PSD3: variants seen among roughly 807,000 people sequenced by gnomAD.
The protein encoded by PSD3 is pleckstrin and Sec7 domain containing 3.
Under a neutral mutation model 105.5 loss-of-function variants are expected in PSD3, and 49 were observed. The observed-to-expected ratio is 0.46, with a 90% confidence interval of 0.37 to 0.59. The LOEUF is 0.59. Ranked by LOEUF, PSD3 falls within the 20% of genes least tolerant of loss-of-function variation. PSD3 has a pLI of 0.00. For missense variants in PSD3, 1,561 were observed against 1,263.8 expected, an observed-to-expected ratio of 1.24 and a Z score of -3.57; for synonymous variants, 557 against 457.8, an observed-to-expected ratio of 1.22 and a Z score of -2.77.
chr8:18,683,620 G>C (rs551537281), intron 9 of PSD3, among the ~76,000 whole-genome samples: 17 of 152,066 alleles, frequency 1.1e-4, no homozygotes, highest in Non-Finnish European at 1.8e-4. Context: ...GGTCCCATCC[G>C]TTTCACCTGA....
intron 9 of PSD3, among the ~76,000 whole-genome samples, chr8:18,669,198 G>T (rs1179249439): frequency 6.6e-6 from 1 of 152,132 alleles, no homozygotes; most frequent in African/African-American, 2.4e-5. Context: ...AAGGGAAATT[G>T]TTTTTTGTAA....
At chr8:18,768,137 A>AAT (rs71217400) in intron 8 of PSD3, among the ~76,000 whole-genome samples, 1 of 143,928 alleles carries the variant, frequency 6.9e-6, no homozygotes. Context: ...AAAAAAAAAA[A>AAT]TAGCCGGATG....
chr8:18,785,046 G>T lies in PSD3; in HGVS notation c.2082+14249C>A, dbSNP rs111349663. ...TGAGCTTATCTAGGAGCTCACCAAG[G>T]CTTGCCTCATTAGAATAAACAATGC... is the stretch of plus-strand genomic sequence containing the variant. On this transcript the variant is annotated intron_variant, in intron 8 of 15. Coordinates refer to ENST00000327040, the MANE Select transcript of PSD3 (RefSeq NM_015310.4). Among the ~76,000 whole-genome samples the T allele has an allele frequency of 7.5e-3, 1,136 of 152,126 alleles. 9 individuals carry two copies. The highest frequency in any genetic ancestry group is 0.023 in the African/African-American group (965 of 41,500).
intron 9 of PSD3, among the ~76,000 whole-genome samples, chr8:18,672,185 T>C (rs1426112674): frequency 6.6e-6 from 1 of 152,124 alleles, no homozygotes. Flanking sequence ...AAAACATAAA[T>C]TTAAAGTGAC....
chr8:18,552,378 G>C (rs2717728), intron 15 of PSD3, among the ~76,000 whole-genome samples: 4 of 152,136 alleles, frequency 2.6e-5, no homozygotes, highest in Admixed American at 2.6e-4. Flanking sequence ...AATAAAAAGC[G>C]TCATCTCCTT....
intron 11 of PSD3, among the ~76,000 whole-genome samples, chr8:18,631,206 A>G (rs754754653): frequency 1.1e-4 from 16 of 151,988 alleles, no homozygotes; most frequent in Non-Finnish European, 2.2e-4. Context: ...TGGCAAAAGT[A>G]TTATTCAATG....
chr8:18,977,832 A>G (rs1388276532), intron 1 of PSD3, among the ~76,000 whole-genome samples: 1 of 152,158 alleles, frequency 6.6e-6, no homozygotes, highest in African/African-American at 2.4e-5. Context: ...TGATTTTCCT[A>G]AAATCAACAC....
chr8:18,595,907 T>C (rs1804060680), intron 12 of PSD3, among the ~76,000 whole-genome samples: 1 of 152,032 alleles, frequency 6.6e-6, no homozygotes, highest in South Asian at 2.1e-4. Flanking sequence ...CCAAATATCC[T>C]AGCAAACATA....
intron 4 of PSD3, among the ~76,000 whole-genome samples, chr8:18,821,717 A>ACACACACCCACC (rs1554513425): frequency 5.7e-5 from 8 of 141,118 alleles, no homozygotes; most frequent in Non-Finnish European, 9.1e-5. Flanking sequence ...ACACACACAC[A>ACACACACCCACC]CCCCAATAAC....
At position 18,916,051 on chromosome 8, in the gene PSD3, G is replaced by A. The variant is rs112830617; in HGVS notation, c.130+19983C>T. Among the ~76,000 whole-genome samples, 1,053 of 151,904 alleles carry A rather than the reference G, an allele frequency of 6.9e-3. 13 individuals are homozygous for A. Among genetic ancestry groups the A allele is most frequent in the African/African-American group, 0.024 (990 of 41,436 alleles). On this transcript the variant is annotated intron_variant, in intron 2 of 15. Transcript: ENST00000327040. ...GCGGAGGTTGCAGTGAGCGGAGATCGTGCCATTGCACTCCAGCCTGGGCAA... is the reference window on the plus strand; with the variant it reads ...GCGGAGGTTGCAGTGAGCGGAGATCATGCCATTGCACTCCAGCCTGGGCAA...
chr8:18,759,022 A>G (rs1042315529), intron 9 of PSD3, among the ~76,000 whole-genome samples: 1 of 151,548 alleles, frequency 6.6e-6, no homozygotes. Context: ...AGTGAAGCTT[A>G]TAAATCCTGC....
intron 2 of PSD3, among the ~76,000 whole-genome samples, chr8:18,908,547 A>G (rs1234032452): frequency 2.6e-5 from 4 of 152,178 alleles, no homozygotes; most frequent in South Asian, 2.1e-4. Flanking sequence ...CCTCCTGTCC[A>G]TATGATAACC....
chr8:18,967,962 G>C (rs1023389985), intron 1 of PSD3, among the ~76,000 whole-genome samples: 12 of 152,146 alleles, frequency 7.9e-5, no homozygotes, highest in Admixed American at 7.2e-4. Context: ...TTCTACAAAA[G>C]GCTAGCAAAA....
intron 1 of PSD3, among the ~76,000 whole-genome samples, chr8:19,005,352 T>C (rs571787372): frequency 4.6e-5 from 7 of 152,172 alleles, no homozygotes; most frequent in African/African-American, 1.7e-4. Flanking sequence ...CCACATTTTG[T>C]ATTGTTTCAT....
chr8:18,871,973 T>C lies in PSD3; in HGVS notation c.891A>G (p.Lys297=). The stretch of plus-strand genomic sequence containing the variant: ...TTTCCACTCCTTGAAATTCCACATG[T>C]TTGACCCGGCCTGGGCGTCCCATGG... The part of the protein sequence containing the change: ...SSSMGRPGRV[K]HVEFQGVEIL... Residue 297 remains lysine (K), a synonymous_variant, in exon 3 of 16, where the codon AAA becomes AAG. Transcript: ENST00000327040. 6.2e-7 allele frequency: 1 copy of C among 1,614,168 alleles called. No homozygotes were observed. Among genetic ancestry groups the C allele is most frequent in the Non-Finnish European group, 8.5e-7 (1 of 1,180,026 alleles).
intron 2 of PSD3, among the ~76,000 whole-genome samples, chr8:18,915,445 C>A (rs1406075493): frequency 1.3e-5 from 2 of 152,108 alleles, no homozygotes; most frequent in Non-Finnish European, 2.9e-5. Context: ...AATCATGTAT[C>A]TTATAAGCAG....
chr8:18,659,641 G>T (rs752471845), intron 9 of PSD3, among the ~76,000 whole-genome samples: 14 of 152,194 alleles, frequency 9.2e-5, no homozygotes, highest in Non-Finnish European at 2.9e-5. Flanking sequence ...GCCTCTCTTA[G>T]AATATATTCA....
chr8:18,772,184 C>T (rs1005846056), intron 8 of PSD3, among the ~76,000 whole-genome samples: 16 of 152,098 alleles, frequency 1.1e-4, no homozygotes, highest in South Asian at 4.1e-4. Context: ...AGTGTGGCTA[C>T]GAACATGGGT....
At chr8:18,793,948 C>CATTAAATTTTTAAAATAATTTT (rs1809992597) in intron 8 of PSD3, among the ~76,000 whole-genome samples, 7 of 99,528 alleles carry the variant, frequency 7.0e-5, no homozygotes, top group South Asian at 5.8e-4. Flanking sequence ...CAATATGAAG[C>CATTAAATTTTTAAAATAATTTT]TGTGGGGAAA....
Sources: gnomAD v4.1 joint callset for allele counts (sites outside exome capture counted in the v4.1 genomes callset) on GRCh38, gnomAD v4.1.1 for gene constraint, MANE v1.5 for transcripts, NCBI Gene and HGNC (gene_info 2026-07-23, HGNC 2026-07-21) for gene names.